Variants in EPHA4 observed in about 807,000 individuals in gnomAD.
EPHA4 encodes ephrin type-A receptor 4.
In EPHA4, 19 loss-of-function variants were observed where a neutral mutation model predicts 108.3. That is an observed-to-expected ratio of 0.18 (90% CI 0.12 to 0.26). The LOEUF (loss-of-function observed/expected upper bound fraction) is 0.26. EPHA4 is among the 10% of genes least tolerant of loss of function. The pLI, the probability that EPHA4 is intolerant of heterozygous loss-of-function variation, is 1.00. For missense variants in EPHA4, 917 were observed against 1,254.0 expected (o/e 0.73, Z 4.06); for synonymous variants, 449 against 455.5 (o/e 0.99, Z 0.18).
intron 17 of EPHA4, among the ~76,000 whole-genome samples, chr2:221,422,613 G>A (rs188073885): frequency 3.1e-4 from 47 of 152,278 alleles, no homozygotes; most frequent in African/African-American, 1.0e-3. Context: ...GCCAGGATAC[G>A]AGTTGAGTGA....
chr2:221,567,298 C>T (rs1288054118), intron 2 of EPHA4, among the ~76,000 whole-genome samples: 2 of 152,160 alleles, frequency 1.3e-5, no homozygotes, highest in Non-Finnish European at 2.9e-5. Flanking sequence ...AGCAATACCC[C>T]TGGTACATGT....
intron 3 of EPHA4, among the ~76,000 whole-genome samples, chr2:221,531,556 G>A (rs966931381): frequency 6.6e-6 from 1 of 152,072 alleles, no homozygotes; most frequent in Non-Finnish European, 1.5e-5. Flanking sequence ...AGTATGCAAA[G>A]CTACTTCCTA....
chr2:221,535,637 A>G (rs949980199), intron 3 of EPHA4, among the ~76,000 whole-genome samples: 6 of 152,234 alleles, frequency 3.9e-5, no homozygotes, highest in African/African-American at 1.4e-4. Context: ...CTTTTGTTCA[A>G]ATAAAGACAA....
intron 17 of EPHA4, among the ~76,000 whole-genome samples, chr2:221,424,120 T>TAAG (rs1689829090): frequency 8.0e-6 from 1 of 125,426 alleles, no homozygotes; most frequent in South Asian, 2.8e-4. Flanking sequence ...TCTCAAATAG[T>TAAG]AATAATAATA....
At chr2:221,479,035 T>G (rs1691742210) in intron 5 of EPHA4, among the ~76,000 whole-genome samples, 1 of 152,198 alleles carries the variant, frequency 6.6e-6, no homozygotes, top group Non-Finnish European at 1.5e-5. Context: ...TAAATAACCT[T>G]GTGAGAACAC....
intron 1 of EPHA4, 40 bp downstream of exon 1, chr2:221,572,118 C>T (rs1694859532): frequency 7.0e-6 from 11 of 1,572,802 alleles, no homozygotes; most frequent in South Asian, 1.1e-5. Context: ...GCGATGGCCC[C>T]TCGCTGTCCC....
At chr2:221,476,075 C>T (rs886710240) in intron 5 of EPHA4, among the ~76,000 whole-genome samples, 10 of 152,150 alleles carry the variant, frequency 6.6e-5, no homozygotes, top group Admixed American at 6.6e-4. Flanking sequence ...GAAAACTTAG[C>T]TGGATGTGGT....
intron 4 of EPHA4, among the ~76,000 whole-genome samples, chr2:221,492,618 C>CA (rs1312572161): frequency 2.0e-5 from 3 of 152,156 alleles, no homozygotes; most frequent in Non-Finnish European, 4.4e-5. Context: ...AAGGAAGAAA[C>CA]AAAAATGTGG....
At chr2:221,543,627 C>A (rs1693901387) in intron 3 of EPHA4, among the ~76,000 whole-genome samples, 1 of 152,206 alleles carries the variant, frequency 6.6e-6, no homozygotes. Flanking sequence ...TACTTAGCAG[C>A]TACGCACACA....
chr2:221,480,144 T>G (rs542549383), intron 5 of EPHA4, among the ~76,000 whole-genome samples: 195 of 145,816 alleles, frequency 1.3e-3, no homozygotes, highest in South Asian at 2.0e-3. Flanking sequence ...TTTGCCCCAG[T>G]AGGTGTTGAC....
At chr2:221,468,749 G>A (rs1691392127) in intron 5 of EPHA4, among the ~76,000 whole-genome samples, 1 of 152,182 alleles carries the variant, frequency 6.6e-6, no homozygotes, top group Non-Finnish European at 1.5e-5. Flanking sequence ...CCAATCAAAA[G>A]CCTTGTTCAT....
intron 14 of EPHA4, among the ~76,000 whole-genome samples, chr2:221,432,976 C>G (rs775635511): frequency 1.3e-5 from 2 of 151,996 alleles, no homozygotes; most frequent in East Asian, 1.9e-4. Flanking sequence ...AGGCACCCAC[C>G]ACTATGCCCG....
At chr2:221,479,198 G>C in intron 5 of EPHA4, among the ~76,000 whole-genome samples, 1 of 152,176 alleles carries the variant, frequency 6.6e-6, no homozygotes, top group East Asian at 1.9e-4. Context: ...AATTTTAAAG[G>C]AAAGCAACTT....
intron 5 of EPHA4, among the ~76,000 whole-genome samples, chr2:221,479,676 A>G (rs1448759731): frequency 2.6e-5 from 4 of 152,208 alleles, no homozygotes; most frequent in African/African-American, 7.2e-5. Context: ...AATTTGCACT[A>G]CTATGAAGAA....
At chr2:221,565,733 T>C (rs1268256660) in intron 2 of EPHA4, among the ~76,000 whole-genome samples, 1 of 152,204 alleles carries the variant, frequency 6.6e-6, no homozygotes, top group Non-Finnish European at 1.5e-5. Flanking sequence ...CCTGTGGTGA[T>C]GAAAATTTCT....
At chr2:221,561,903 A>G (rs995131969) in intron 3 of EPHA4, among the ~76,000 whole-genome samples, 1 of 152,228 alleles carries the variant, frequency 6.6e-6, no homozygotes, top group Admixed American at 6.5e-5. Flanking sequence ...GAATCTTGAC[A>G]TGTGAAGATG....
chr2:221,478,359 C>T (rs1347513066), intron 5 of EPHA4, among the ~76,000 whole-genome samples: 1 of 152,156 alleles, frequency 6.6e-6, no homozygotes, highest in Non-Finnish European at 1.5e-5. Context: ...CAAAGGAAAG[C>T]CATCCAGAAA....
chr2:221,455,478 G>T, intron 8 of EPHA4, 69 bp downstream of exon 8: 1 of 1,215,112 alleles, frequency 8.2e-7, no homozygotes, highest in Non-Finnish European at 1.2e-6. Context: ...GCTTTGTGTG[G>T]AAGAGAAAAA....
In EPHA4 at chr2:221,436,500, C is replaced by T. The variant is rs139589907; in HGVS notation, c.2245G>A (p.Ala749Thr). Residue 749 changes from alanine (A) to threonine (T), a missense_variant, in exon 13 of 18, where the codon GCA becomes ACA. Coordinates refer to ENST00000281821, the MANE Select transcript of EPHA4 (RefSeq NM_004438.5). ...DMSYVHRDLA[A>T]RNILVNSNLV... Reference sequence around the variant, plus strand: ...TTGCTGTTCACCAGGATGTTCCGTGCGGCCAGATCACGATGCACATAGCTC... The same window carrying T: ...TTGCTGTTCACCAGGATGTTCCGTGTGGCCAGATCACGATGCACATAGCTC... The T allele has an allele frequency of 6.8e-6, 11 of 1,613,998 alleles. No individual in the cohort carries two copies. Among genetic ancestry groups the T allele is most frequent in the African/African-American group, 4.0e-5 (3 of 74,898 alleles).
Sources: gnomAD v4.1 joint callset for allele counts (sites outside exome capture counted in the v4.1 genomes callset) on GRCh38, gnomAD v4.1.1 for gene constraint, MANE v1.5 for transcripts, NCBI Gene and HGNC (gene_info 2026-07-23, HGNC 2026-07-21) for gene names.